Variants in EIF4G3 observed in about 807,000 individuals in gnomAD.
The protein encoded by EIF4G3 is eIF-4-gamma 3.
EIF4G3 carries 34 observed loss-of-function variants against 186.4 expected under a neutral mutation model. The observed-to-expected ratio is 0.18, with a 90% confidence interval of 0.14 to 0.24. EIF4G3 has a LOEUF of 0.24. Among genes scored for constraint, EIF4G3 ranks in the 10% least tolerant of loss-of-function variants. The pLI, the probability that EIF4G3 is intolerant of heterozygous loss-of-function variation, is 1.00. For synonymous variants in EIF4G3, 673 were observed against 679.5 expected (o/e 0.99, Z 0.15); for missense variants, 1,536 against 1,948.5 (o/e 0.79, Z 3.99).
chr1:21,106,807 A>AG (rs1158359340), intron 2 of EIF4G3, among the ~76,000 whole-genome samples: 1 of 152,210 alleles, frequency 6.6e-6, no homozygotes, highest in Non-Finnish European at 1.5e-5. Context: ...CAACTTGCAG[A>AG]GAAGTGGCCA....
intron 14 of EIF4G3, among the ~76,000 whole-genome samples, chr1:20,922,364 G>A (rs1357444116): frequency 6.6e-6 from 1 of 152,090 alleles, no homozygotes. Flanking sequence ...GAGTACAGTG[G>A]CGTGATCTCC....
intron 2 of EIF4G3, among the ~76,000 whole-genome samples, chr1:21,139,433 T>A (rs1328555009): frequency 1.3e-5 from 2 of 151,940 alleles, no homozygotes; most frequent in Non-Finnish European, 2.9e-5. Flanking sequence ...CCAGCCTGGG[T>A]GACAGAGTGA....
At chr1:20,855,371 C>T (rs1385602953) in intron 25 of EIF4G3, among the ~76,000 whole-genome samples, 2 of 152,168 alleles carry the variant, frequency 1.3e-5, no homozygotes, top group Non-Finnish European at 2.9e-5. Context: ...AGTTTCTAAT[C>T]ATTCTTCTTG....
rs1209946617 is a variant in EIF4G3, at chr1:21,125,982, T to C, written c.-271-36769A>G. On this transcript the variant is annotated intron_variant, in intron 2 of 36. Transcript: ENST00000602326. ...ACTTTGGGAGGCCAAGGAGGGAGGA[T>C]CACTTGAGTCCAGGAGTTTGAGACC... 2.6e-5 allele frequency among the ~76,000 whole-genome samples: 4 copies of C among 151,424 alleles called. No homozygotes were observed. The East Asian group carries it at 7.8e-4, about 30-fold the overall frequency.
At chr1:21,115,103 T>C (rs2096794037) in intron 2 of EIF4G3, among the ~76,000 whole-genome samples, 1 of 152,242 alleles carries the variant, frequency 6.6e-6, no homozygotes, top group African/African-American at 2.4e-5. Context: ...AATCTTATCA[T>C]GTGTTCACTG....
At chr1:21,052,613 G>T (rs894452926) in intron 3 of EIF4G3, among the ~76,000 whole-genome samples, 2 of 150,938 alleles carry the variant, frequency 1.3e-5, no homozygotes, top group African/African-American at 4.9e-5. Flanking sequence ...TCTTTCCACG[G>T]TCTCCCCCTG....
chr1:20,850,781 C>T (rs946888984), intron 28 of EIF4G3, among the ~76,000 whole-genome samples: 24 of 152,190 alleles, frequency 1.6e-4, no homozygotes, highest in African/African-American at 5.1e-4. Context: ...GAGCATTATC[C>T]GAGCAAGTCC....
At chr1:20,917,104 A>T (rs1236936161) in intron 14 of EIF4G3, among the ~76,000 whole-genome samples, 1 of 152,154 alleles carries the variant, frequency 6.6e-6, no homozygotes, top group Non-Finnish European at 1.5e-5. Context: ...GTCTATCAAT[A>T]GGTTAACAAA....
intron 4 of EIF4G3, among the ~76,000 whole-genome samples, chr1:21,011,887 G>A (rs1053747911): frequency 6.6e-6 from 1 of 152,118 alleles, no homozygotes; most frequent in African/African-American, 2.4e-5. Context: ...CACCATTAGA[G>A]TTATAAACTG....
chr1:20,961,801 C>G (rs918257709), intron 12 of EIF4G3, among the ~76,000 whole-genome samples: 3 of 152,186 alleles, frequency 2.0e-5, no homozygotes, highest in African/African-American at 4.8e-5. Flanking sequence ...TGAAAAGAAC[C>G]ATTTAAGTCA....
At chr1:21,100,709 C>G (rs1043470212) in intron 2 of EIF4G3, among the ~76,000 whole-genome samples, 3 of 152,076 alleles carry the variant, frequency 2.0e-5, no homozygotes, top group Admixed American at 6.6e-5. Context: ...CCAGGCAGAT[C>G]CCATCTCTTA....
chr1:21,046,268 G>C (rs2093880461), intron 4 of EIF4G3, among the ~76,000 whole-genome samples: 1 of 152,204 alleles, frequency 6.6e-6, no homozygotes, highest in Non-Finnish European at 1.5e-5. Context: ...AAATGTCATA[G>C]TCTAAAGTCT....
intron 16 of EIF4G3, 57 bp from the exon 17 acceptor site, chr1:20,895,558 T>C: frequency 6.5e-7 from 1 of 1,549,318 alleles, no homozygotes; most frequent in South Asian, 1.2e-5. Flanking sequence ...CAGTCATGCA[T>C]TGCATAACGA....
intron 16 of EIF4G3, among the ~76,000 whole-genome samples, chr1:20,898,376 G>A (rs1440379055): frequency 6.6e-6 from 1 of 151,972 alleles, no homozygotes; most frequent in Non-Finnish European, 1.5e-5. Flanking sequence ...AAAATAAAGT[G>A]GTAAGTACTA....
At chr1:20,923,932 T>C (rs570217694) in intron 14 of EIF4G3, among the ~76,000 whole-genome samples, 4 of 152,086 alleles carry the variant, frequency 2.6e-5, no homozygotes, top group East Asian at 3.9e-4. Flanking sequence ...GCCTGTCACA[T>C]GGTAGATATA....
chr1:20,949,789 G>A (rs755955269), intron 13 of EIF4G3, among the ~76,000 whole-genome samples: 1 of 152,126 alleles, frequency 6.6e-6, no homozygotes, highest in African/African-American at 2.4e-5. Context: ...CTAACAGTGA[G>A]AGATTAAACA....
In EIF4G3 at chr1:20,855,036, T is replaced by C; in HGVS notation, c.3375A>G (p.Lys1125=). 1 of 1,613,524 alleles carries C rather than the reference T, an allele frequency of 6.2e-7. No individual in the cohort carries two copies. The highest frequency in any genetic ancestry group is 1.7e-5 in the Admixed American group (1 of 59,964). The change falls in exon 26 of 37, where the codon AAA becomes AAG. Residue 1125 remains lysine (K), a synonymous_variant. Transcript: ENST00000602326. ...CTTTTCCCCAGCTGCCTAGCTGTGC[T>C]TTAGGTACCAGCTGAATTTTTTCAT... is the stretch of plus-strand genomic sequence containing the variant. ...TIDEKIQLVP[K]AQLGSWGKGS...
chr1:21,104,567 A>G (rs558429501), intron 2 of EIF4G3, among the ~76,000 whole-genome samples: 7 of 152,346 alleles, frequency 4.6e-5, no homozygotes, highest in African/African-American at 1.2e-4. Flanking sequence ...AAGTCAAAAA[A>G]TAACAGAGGC....
chr1:21,176,505 G>A (rs1446676830), intron 1 of EIF4G3, 147 bp from the exon 2 acceptor site: 1 of 161,976 alleles, frequency 6.2e-6, no homozygotes, highest in Non-Finnish European at 1.3e-5. Flanking sequence ...GGCGGGAGCG[G>A]GGGGCTGGGG....
Sources: allele counts gnomAD v4.1 joint callset (sites outside exome capture counted in the v4.1 genomes callset), GRCh38; gene constraint gnomAD v4.1.1; transcripts MANE v1.5; gene names NCBI Gene and HGNC (gene_info 2026-07-23, HGNC 2026-07-21).